SRSF12: variants seen among roughly 807,000 people sequenced by gnomAD.
SRSF12 encodes serine/arginine-rich splicing factor 12.
A neutral mutation model predicts 34.1 loss-of-function variants in SRSF12; 21 were observed. The observed-to-expected ratio is 0.62, with a 90% confidence interval of 0.44 to 0.89. The LOEUF is 0.89. SRSF12 is among the 40% of genes least tolerant of loss of function. The probability of loss-of-function intolerance (pLI) is 0.00; values close to 1 mark genes in which losing one functional copy is unlikely to be tolerated. For synonymous variants in SRSF12, 111 were observed against 110.8 expected (o/e 1.00, Z -0.01); for missense variants, 278 against 327.8 (o/e 0.85, Z 1.17).
chr6:89,097,131 A>G lies in SRSF12; in HGVS notation c.*1447T>C, dbSNP rs1768308621. 1 of 152,202 alleles carries G rather than the reference A, an allele frequency of 6.6e-6. No individual in the cohort carries two copies. Among genetic ancestry groups the G allele is most frequent in the South Asian group, 2.1e-4 (1 of 4,832 alleles). 9.4% of individuals were successfully genotyped at this position (152,202 alleles called of 1,614,324 possible). A position where few individuals can be genotyped will look rare whatever the true frequency, so the allele number is the denominator to read the frequency against. The stretch of plus-strand genomic sequence containing the variant: ...ATATGCAAAGAAAACTGGAATTTGT[A>G]TTCAAAACAAATAGAAGCAACACTG... On this transcript the variant is annotated 3_prime_UTR_variant, in exon 5 of 5. Transcript: ENST00000452027.
At chr6:89,113,462 G>A (rs912045380) in intron 1 of SRSF12, among the ~76,000 whole-genome samples, 3 of 151,994 alleles carry the variant, frequency 2.0e-5, no homozygotes, top group East Asian at 1.9e-4. Context: ...GTGAGCCACC[G>A]CACCCAGCCC....
chr6:89,099,078 C>A, intron 4 of SRSF12, 131 bp from the exon 5 acceptor site: 1 of 1,162,954 alleles, frequency 8.6e-7, no homozygotes, highest in African/African-American at 1.6e-5. Context: ...AAAAATTTCT[C>A]ATTTTATTAT....
At chr6:89,103,556 T>C (rs917734718) in intron 4 of SRSF12, among the ~76,000 whole-genome samples, 13 of 152,128 alleles carry the variant, frequency 8.5e-5, no homozygotes, top group African/African-American at 3.1e-4. Context: ...CTCGAACTCC[T>C]GACCTCAGGT....
intron 4 of SRSF12, among the ~76,000 whole-genome samples, chr6:89,099,776 C>CGGA (rs1434677057): frequency 6.6e-6 from 1 of 152,046 alleles, no homozygotes; most frequent in Non-Finnish European, 1.5e-5. Flanking sequence ...CTCAGGTTAT[C>CGGA]CCCCTGCCTC....
intron 2 of SRSF12, chr6:89,105,942 C>T (rs1401838842): frequency 1.3e-5 from 2 of 152,596 alleles, no homozygotes; most frequent in African/African-American, 4.8e-5. Context: ...TATCAGCATG[C>T]AGAAGCCTTT....
rs929807541 is a variant in SRSF12, at chr6:89,097,821, A to T, written c.*757T>A. 2 of 152,196 alleles carry T rather than the reference A, an allele frequency of 1.3e-5. No individual in the cohort carries two copies. The highest frequency in any genetic ancestry group is 2.4e-5 in the African/African-American group (1 of 41,446). 9.4% of individuals were successfully genotyped at this position (152,196 alleles called of 1,614,324 possible). ...TTTATACAAAATGTACCATTCTTCA[A>T]ATGTGTAAGTCTTAATATGAATATT... On this transcript the variant is annotated 3_prime_UTR_variant, in exon 5 of 5. Coordinates refer to ENST00000452027, the MANE Select transcript of SRSF12 (RefSeq NM_080743.5).
In SRSF12 at chr6:89,098,521, A is replaced by T; in HGVS notation, c.*57T>A. On this transcript the variant is annotated 3_prime_UTR_variant, in exon 5 of 5. Transcript: ENST00000452027. ...ATGCCTTAAAGAATTTTTATTTAACATAATGAGAGTTTAATAACTTATATT... is the reference window on the plus strand; with the variant it reads ...ATGCCTTAAAGAATTTTTATTTAACTTAATGAGAGTTTAATAACTTATATT... The T allele has an allele frequency of 6.6e-7, 1 of 1,516,436 alleles. No individual in the cohort carries two copies. The highest frequency in any genetic ancestry group is 8.8e-7 in the Non-Finnish European group (1 of 1,135,334). The allele number at this position is 1,516,436 out of a possible 1,614,324, so 93.9% of individuals were successfully genotyped here.
At chr6:89,107,103 T>C (rs1314747681) in intron 2 of SRSF12, 51 bp downstream of exon 2, 1 of 1,449,348 alleles carries the variant, frequency 6.9e-7, no homozygotes, top group East Asian at 2.3e-5. Flanking sequence ...CATATATGTA[T>C]AAGCACGCAT....
Position 89,113,574 on chromosome 6 carries a change from G to A in SRSF12, c.65+4249C>T, listed in dbSNP as rs1174832251. 1.3e-5 allele frequency among the ~76,000 whole-genome samples: 2 copies of A among 152,170 alleles called. 1 individual carries two copies. Among genetic ancestry groups the A allele is most frequent in the Non-Finnish European group, 2.9e-5 (2 of 68,030 alleles). On this transcript the variant is annotated intron_variant, in intron 1 of 4. Coordinates refer to ENST00000452027, the MANE Select transcript of SRSF12 (RefSeq NM_080743.5). ...TCCACGTGCCTCGGCCTCCCAAAGTGCTGGGATTATAGATGTGAGCCACCG... is the reference window on the plus strand; with the variant it reads ...TCCACGTGCCTCGGCCTCCCAAAGTACTGGGATTATAGATGTGAGCCACCG...
chr6:89,100,883 TC>T (rs747217295), intron 4 of SRSF12, among the ~76,000 whole-genome samples: 5 of 151,874 alleles, frequency 3.3e-5, no homozygotes, highest in Non-Finnish European at 5.9e-5. Context: ...GGCGAGTGGA[TC>T]ACCTGAGGTC....
chr6:89,103,742 G>A (rs960346290), intron 4 of SRSF12, among the ~76,000 whole-genome samples: 1 of 151,710 alleles, frequency 6.6e-6, no homozygotes, highest in Non-Finnish European at 1.5e-5. Context: ...TTACAGGCGT[G>A]AGCCACTGCA....
chr6:89,101,058 A>G (rs9362616), intron 4 of SRSF12, among the ~76,000 whole-genome samples: 107,381 of 149,616 alleles, frequency 0.72, 38,685 homozygotes, highest in East Asian at 0.84. Context: ...GCAGTGAGCC[A>G]AGATCGTGCC....
At chr6:89,116,923 T>C (rs545107857) in intron 1 of SRSF12, among the ~76,000 whole-genome samples, 5 of 152,256 alleles carry the variant, frequency 3.3e-5, no homozygotes, top group East Asian at 3.9e-4. Context: ...TTAAAACTCT[T>C]AGTTTCCGCT....
At chr6:89,113,565 T>C (rs1769154835) in intron 1 of SRSF12, among the ~76,000 whole-genome samples, 1 of 152,182 alleles carries the variant, frequency 6.6e-6, no homozygotes, top group South Asian at 2.1e-4. Context: ...TGCCTCGGCC[T>C]CCCAAAGTGC....
At chr6:89,104,880 T>G (rs1768711999) in intron 4 of SRSF12, among the ~76,000 whole-genome samples, 1 of 151,748 alleles carries the variant, frequency 6.6e-6, no homozygotes, top group African/African-American at 2.4e-5. Flanking sequence ...TAGCGAGACC[T>G]CCAATCTCTA....
At chr6:89,116,210 C>T (rs956405131) in intron 1 of SRSF12, among the ~76,000 whole-genome samples, 7 of 152,164 alleles carry the variant, frequency 4.6e-5, no homozygotes, top group South Asian at 2.1e-4. Context: ...TATATTACCC[C>T]GGCTGGCCCC....
At chr6:89,117,038 C>G (rs993679684) in intron 1 of SRSF12, among the ~76,000 whole-genome samples, 1 of 152,030 alleles carries the variant, frequency 6.6e-6, no homozygotes, top group African/African-American at 2.4e-5. Flanking sequence ...TCCCTCTCCC[C>G]CCGCCCCCAA....
At chr6:89,100,684 A>G (rs887069664) in intron 4 of SRSF12, among the ~76,000 whole-genome samples, 1 of 152,224 alleles carries the variant, frequency 6.6e-6, no homozygotes, top group African/African-American at 2.4e-5. Context: ...AAAACAGATA[A>G]AAAGATCGTT....
At chr6:89,111,003 T>G (rs1370717470) in intron 1 of SRSF12, among the ~76,000 whole-genome samples, 1 of 152,084 alleles carries the variant, frequency 6.6e-6, no homozygotes, top group East Asian at 1.9e-4. Flanking sequence ...TCCCAGCTAC[T>G]TAGGAGGCTG....
Sources: allele counts gnomAD v4.1 joint callset (sites outside exome capture counted in the v4.1 genomes callset), GRCh38; gene constraint gnomAD v4.1.1; transcripts MANE v1.5; gene names NCBI Gene and HGNC (gene_info 2026-07-23, HGNC 2026-07-21).